Variants in GSN observed in about 807,000 individuals in gnomAD.
GSN encodes the protein gelsolin.
Under a neutral mutation model 85.7 loss-of-function variants are expected in GSN, and 56 were observed. The ratio of observed to expected loss-of-function variants is 0.65; its 90% confidence interval spans 0.53 to 0.82. GSN has a LOEUF of 0.82. Ranked by LOEUF, GSN falls within the 40% of genes least tolerant of loss-of-function variation. GSN has a pLI of 0.00. For synonymous variants in GSN, 373 were observed against 399.1 expected, an observed-to-expected ratio of 0.93 and a Z score of 0.78; for missense variants, 857 against 979.8, an observed-to-expected ratio of 0.87 and a Z score of 1.67.
intron 2 of GSN, chr9:121,286,668 G>C (rs1032272148): frequency 3.7e-5 from 57 of 1,535,006 alleles, no homozygotes; most frequent in Non-Finnish European, 7.8e-6. Context: ...GGAAGTCAGA[G>C]AAAGAAAGGA....
intron 3 of GSN, 113 bp downstream of exon 3, chr9:121,302,280 G>A (rs571716754): frequency 1.6e-6 from 2 of 1,213,554 alleles, no homozygotes; most frequent in African/African-American, 1.5e-5. Context: ...TATGTGCTGG[G>A]CCCTTGACTG....
chr9:121,326,439 G>A (rs2063172783), intron 12 of GSN, 73 bp from the exon 13 acceptor site: 3 of 1,225,876 alleles, frequency 2.4e-6, no homozygotes, highest in Non-Finnish European at 3.6e-6. Context: ...CTGGAGGGAT[G>A]GGCCCAGTGC....
At chr9:121,330,023 C>T (rs2063713290) in intron 16 of GSN, among the ~76,000 whole-genome samples, 1 of 152,168 alleles carries the variant, frequency 6.6e-6, no homozygotes, top group South Asian at 2.1e-4. Flanking sequence ...CTACACTACC[C>T]ACAGGGATGC....
At chr9:121,330,170 G>A (rs932475490) in intron 16 of GSN, among the ~76,000 whole-genome samples, 8 of 152,192 alleles carry the variant, frequency 5.3e-5, no homozygotes, top group African/African-American at 1.7e-4. Flanking sequence ...CATTTATTCA[G>A]CACCATGGTC....
At chr9:121,307,281 G>T (rs1383705552) in intron 4 of GSN, among the ~76,000 whole-genome samples, 1 of 152,184 alleles carries the variant, frequency 6.6e-6, no homozygotes, top group Non-Finnish European at 1.5e-5. Context: ...ATAGGGTAAA[G>T]ATTTTAATAA....
chr9:121,210,099 G>C (rs1191473717), intron 2 of GSN: 1 of 152,194 alleles, frequency 6.6e-6, no homozygotes, highest in Non-Finnish European at 1.5e-5. Context: ...AGTTAGGAGA[G>C]GCTAGGTTTT....
At chr9:121,249,602 TTC>T (rs1387905383) in intron 6 of GSN, among the ~76,000 whole-genome samples, 1 of 152,244 alleles carries the variant, frequency 6.6e-6, no homozygotes, top group Non-Finnish European at 1.5e-5. Flanking sequence ...TATCTATTCT[TTC>T]TCTCTGATAC....
At chr9:121,323,564 T>G (rs1295488187) in intron 11 of GSN, among the ~76,000 whole-genome samples, 2 of 27,234 alleles carry the variant, frequency 7.3e-5, no homozygotes, top group East Asian at 3.5e-3. Flanking sequence ...GAGACGGAGT[T>G]TCACCATGTT....
At chr9:121,331,556 G>T (rs1450771118) in intron 17 of GSN, 108 bp downstream of exon 17, 1 of 712,102 alleles carries the variant, frequency 1.4e-6, no homozygotes, top group Non-Finnish European at 2.5e-6. Context: ...GGGGACTGAT[G>T]GACAAGATAG....
At chr9:121,225,468 G>A (rs1015588078) in intron 4 of GSN, among the ~76,000 whole-genome samples, 10 of 152,220 alleles carry the variant, frequency 6.6e-5, no homozygotes, top group African/African-American at 2.4e-4. Flanking sequence ...CCTAGGCACG[G>A]CTGTTAGAGC....
intron 4 of GSN, among the ~76,000 whole-genome samples, chr9:121,220,746 G>T (rs1422925624): frequency 6.6e-6 from 1 of 152,192 alleles, no homozygotes; most frequent in African/African-American, 2.4e-5. Context: ...GCCAGTAAAA[G>T]TTCTCTAATG....
At position 121,327,355 on chromosome 9, in the gene GSN, G is replaced by C; in HGVS notation, c.1635G>C (p.Leu545=). 1 of 1,614,076 alleles carries C rather than the reference G, an allele frequency of 6.2e-7. No individual in the cohort carries two copies. Among genetic ancestry groups the C allele is most frequent in the Non-Finnish European group, 8.5e-7 (1 of 1,179,976 alleles). ...GALNSNDAFV[L]KTPSAAYLWV... is the part of the protein sequence containing the mutation. ...TGAACTCCAACGATGCCTTTGTTCTGAAAACCCCCTCAGCCGCCTACCTGT... is the reference window on the plus strand; with the variant it reads ...TGAACTCCAACGATGCCTTTGTTCTCAAAACCCCCTCAGCCGCCTACCTGT... The change falls in exon 14 of 18, where the codon CTG becomes CTC. Residue 545 remains leucine (L), a synonymous_variant. Transcript: ENST00000432226.
Position 121,329,097 on chromosome 9 carries a change from A to G in GSN, c.1887+82A>G, listed in dbSNP as rs1589246011. Reference sequence around the variant, plus strand: ...GACTGGCCGGCAGCAGGGGCAGGAGAAACAGTTCTGATGGTGTGGCACAGA... The same window carrying G: ...GACTGGCCGGCAGCAGGGGCAGGAGGAACAGTTCTGATGGTGTGGCACAGA... On this transcript the variant is annotated intron_variant, in intron 15 of 17. Transcript: ENST00000432226. This position sits in a 1 kb window ranked among gnomAD's most constrained non-coding sequence, Gnocchi z 4.6. 6.3e-7 allele frequency: 1 copy of G among 1,576,226 alleles called. No homozygotes were observed. The highest frequency in any genetic ancestry group is 8.7e-7 in the Non-Finnish European group (1 of 1,154,600).
At chr9:121,287,450 C>A (rs573174313) in intron 2 of GSN, among the ~76,000 whole-genome samples, 1 of 152,204 alleles carries the variant, frequency 6.6e-6, no homozygotes, top group East Asian at 1.9e-4. Context: ...CCACCCTAGA[C>A]CTACAGACTC....
chr9:121,321,513 TG>T, intron 11 of GSN, 112 bp downstream of exon 11: 1 of 985,782 alleles, frequency 1.0e-6, no homozygotes, highest in African/African-American at 1.6e-5. Context: ...CACTCCCTGC[TG>T]GGAGAGGCTT....
chr9:121,287,491 T>C (rs1187555229), intron 2 of GSN, among the ~76,000 whole-genome samples: 2 of 152,024 alleles, frequency 1.3e-5, no homozygotes, highest in Admixed American at 6.5e-5. Flanking sequence ...GGGAATCTAT[T>C]GTTTCCTGAG....
intron 5 of GSN, among the ~76,000 whole-genome samples, chr9:121,247,789 C>G (rs2054730060): frequency 6.6e-6 from 1 of 152,078 alleles, no homozygotes; most frequent in Non-Finnish European, 1.5e-5. Flanking sequence ...TCCTAATGAA[C>G]CCCAATGTTA....
chr9:121,321,328 T>C lies in GSN; in HGVS notation c.1252T>C (p.Tyr418His). Residue 418 changes from tyrosine (Y) to histidine (H), a missense_variant, in exon 11 of 18, where the codon TAT becomes CAT. Coordinates refer to ENST00000432226, the MANE Select transcript of GSN (RefSeq NM_198252.3). Reference protein sequence around the residue: ...PVDPATYGQFYGGDSYIILYN... With the variant: ...PVDPATYGQFHGGDSYIILYN... ...GGACCCTGCCACATATGGACAGTTC[T>C]ATGGAGGCGACAGCTACATCATTCT... The C allele has an allele frequency of 3.1e-6, 5 of 1,613,848 alleles. No individual in the cohort carries two copies. Among genetic ancestry groups the C allele is most frequent in the Non-Finnish European group, 4.2e-6 (5 of 1,179,704 alleles).
intron 1 of GSN, among the ~76,000 whole-genome samples, chr9:121,270,940 G>T (rs2055850115): frequency 6.6e-6 from 1 of 152,192 alleles, no homozygotes; most frequent in Non-Finnish European, 1.5e-5. Context: ...AGGTGTGAGA[G>T]AAGTTAGAAG....
Sources: allele counts gnomAD v4.1 joint callset (sites outside exome capture counted in the v4.1 genomes callset), GRCh38; gene constraint gnomAD v4.1.1; non-coding constraint Gnocchi (gnomAD v3.1); transcripts MANE v1.5; gene names NCBI Gene and HGNC (gene_info 2026-07-23, HGNC 2026-07-21).